Variants in TRIP11 observed in about 807,000 individuals in gnomAD.
TRIP11 encodes the protein thyroid hormone receptor interactor 11.
TRIP11 carries 148 observed loss-of-function variants against 223.1 expected under a neutral mutation model. The observed-to-expected ratio is 0.66, with a 90% CI of 0.58 to 0.76. The LOEUF (loss-of-function observed/expected upper bound fraction) is 0.76, where lower values mean the gene tolerates loss of function less well. TRIP11 is among the 30% of genes least tolerant of loss of function. The pLI, the probability that TRIP11 is intolerant of heterozygous loss-of-function variation, is 0.00. For synonymous variants in TRIP11, 762 were observed against 772.6 expected, an observed-to-expected ratio of 0.99 and a Z score of 0.23; for missense variants, 2,043 against 2,222.0, an observed-to-expected ratio of 0.92 and a Z score of 1.62.
chr14:92,023,255 C>T (rs2057137066), intron 3 of TRIP11, among the ~76,000 whole-genome samples: 1 of 152,146 alleles, frequency 6.6e-6, no homozygotes. Context: ...ATGACCAATA[C>T]AGGTTGAGTA....
intron 20 of TRIP11, among the ~76,000 whole-genome samples, chr14:91,970,434 A>T (rs991622515): frequency 1.9e-5 from 2 of 106,152 alleles, no homozygotes; most frequent in East Asian, 2.0e-4. Context: ...AATTAAAATT[A>T]AAAAAAAAAA....
At chr14:91,976,241 G>T in intron 16 of TRIP11, 52 bp from the exon 17 acceptor site, 1 of 1,436,484 alleles carries the variant, frequency 7.0e-7, no homozygotes. Flanking sequence ...AAAATAGTCT[G>T]GATGACTATA....
chr14:92,024,212 T>C (rs1006653257), intron 3 of TRIP11, among the ~76,000 whole-genome samples: 2 of 152,078 alleles, frequency 1.3e-5, no homozygotes, highest in African/African-American at 4.8e-5. Context: ...ACCCCATCTC[T>C]AATAAAAATT....
chr14:92,022,784 C>T (rs1398032274), intron 3 of TRIP11, among the ~76,000 whole-genome samples: 1 of 152,130 alleles, frequency 6.6e-6, no homozygotes, highest in Admixed American at 6.6e-5. Flanking sequence ...AGCAAGTAGA[C>T]AAAAACCAAA....
chr14:92,036,956 C>T, intron 1 of TRIP11, among the ~76,000 whole-genome samples: 1 of 152,152 alleles, frequency 6.6e-6, no homozygotes, highest in East Asian at 1.9e-4. Context: ...TCCTCAACTC[C>T]TGGCTTTAAG....
intron 7 of TRIP11, among the ~76,000 whole-genome samples, chr14:92,012,232 G>A (rs1021671853): frequency 6.6e-6 from 1 of 152,040 alleles, no homozygotes; most frequent in Admixed American, 6.5e-5. Context: ...ATTATCTAAC[G>A]TGATTTAGAT....
At chr14:91,999,562 G>A (rs2140110622) in intron 12 of TRIP11, 129 bp from the exon 13 acceptor site, 1 of 1,005,688 alleles carries the variant, frequency 9.9e-7, no homozygotes, top group Non-Finnish European at 1.5e-6. Context: ...ACTGCAAAAT[G>A]TATTTATGCT....
chr14:91,988,034 G>A (rs1465560878), intron 16 of TRIP11, among the ~76,000 whole-genome samples: 3 of 152,198 alleles, frequency 2.0e-5, no homozygotes, highest in African/African-American at 7.2e-5. Context: ...ATGGTCAACA[G>A]GGTGACAGCC....
At chr14:92,014,138 T>C (rs2057007237) in intron 7 of TRIP11, 77 bp downstream of exon 7, 4 of 1,580,608 alleles carry the variant, frequency 2.5e-6, no homozygotes, top group Non-Finnish European at 3.5e-6. Context: ...AGTATTCAGT[T>C]AGTGAAGCAT....
At chr14:92,007,555 A>C in intron 10 of TRIP11, 85 bp downstream of exon 10, 2 of 1,452,320 alleles carry the variant, frequency 1.4e-6, no homozygotes, top group Non-Finnish European at 1.9e-6. Context: ...TATGAACTAA[A>C]ATATTAATTA....
chr14:91,986,732 C>A lies in TRIP11; in HGVS notation c.5260+1552G>T, dbSNP rs755021877. Among the ~76,000 whole-genome samples the A allele has an allele frequency of 3.9e-5, 6 of 152,200 alleles. No individual in the cohort carries two copies. The South Asian group carries it at 1.0e-3, about 26-fold the overall frequency. On this transcript the variant is annotated intron_variant, in intron 16 of 20. Transcript: ENST00000267622. Reference sequence around the variant, plus strand: ...TAGTCTAGCCCAACCCGAAGATTATCAATTCCCAGTGTGTCTCCTCTCAGT... The same window carrying A: ...TAGTCTAGCCCAACCCGAAGATTATAAATTCCCAGTGTGTCTCCTCTCAGT...
At position 92,033,234 on chromosome 14, in the gene TRIP11, C is replaced by T. The variant is rs2140149106; in HGVS notation, c.159G>A (p.Arg53=). ...EEVEAELPDS[R]TKEIEAIHAI... ...CATGAATGGCTTCAATTTCCTTTGTCCTAGAATCAGGTAATTCTGCTACAA... is the reference window on the plus strand; with the variant it reads ...CATGAATGGCTTCAATTTCCTTTGTTCTAGAATCAGGTAATTCTGCTACAA... The change falls in exon 2 of 21, where the codon AGG becomes AGA. Residue 53 remains arginine, a synonymous_variant. Transcript: ENST00000267622. 2 of 1,612,704 alleles carry T rather than the reference C, an allele frequency of 1.2e-6. No individual in the cohort carries two copies. The highest frequency in any genetic ancestry group is 1.3e-5 in the African/African-American group (1 of 74,966).
In TRIP11 at chr14:92,017,743, T is replaced by C. The variant is rs1221858200; in HGVS notation, c.596A>G (p.Lys199Arg). ...GHWRHIAQTS[K>R]AQGTDNSDQS... ...ATCAGAGTTATCTGTTCCTTGTGCT[T>C]TGGAAGTCTAGATCAGAAAAAGAGA... is the stretch of plus-strand genomic sequence containing the variant. The change falls in exon 5 of 21, where the codon AAA (lysine) becomes AGA (arginine). Residue 199 changes from lysine (K) to arginine (R), a missense_variant. Transcript: ENST00000267622. The C allele has an allele frequency of 5.6e-6, 9 of 1,612,498 alleles. No homozygotes were observed. In the African/African-American group the frequency reaches 8.0e-5, roughly 14 times the overall value.
rs761637767 is a variant in TRIP11, at chr14:92,037,019, A to G, written c.139+2528T>C. Among the ~76,000 whole-genome samples the G allele has an allele frequency of 1.3e-5, 2 of 152,166 alleles. No homozygotes were observed. The highest frequency in any genetic ancestry group is 6.6e-5 in the Admixed American group (1 of 15,264). On this transcript the variant is annotated intron_variant, in intron 1 of 20. Transcript: ENST00000267622. This position sits in a 1 kb window ranked among gnomAD's most constrained non-coding sequence, Gnocchi z 4.2. The stretch of plus-strand genomic sequence containing the variant: ...TGCTGAGATTACAGGTATGAACCAC[A>G]CCTGGCCAGACCCCTATTTTTAAAA...
At position 92,025,424 on chromosome 14, in the gene TRIP11, G is replaced by GA. The variant is rs751744972; in HGVS notation, c.202-5dup. 354 of 1,582,890 alleles carry GA rather than the reference G, an allele frequency of 2.2e-4. No homozygotes were observed. Among genetic ancestry groups the GA allele is most frequent in the Non-Finnish European group, 2.5e-4 (294 of 1,160,616 alleles). Reference sequence around the variant, plus strand: ...AAAGTTTCTTAAGCCTTTCATTCTAGAAAAAAAAAGTATTTTCAACAAAAA... The same window carrying GA: ...AAAGTTTCTTAAGCCTTTCATTCTAGAAAAAAAAAAGTATTTTCAACAAAAA... On this transcript the variant is annotated splice_polypyrimidine_tract_variant and splice_region_variant and intron_variant, in intron 2 of 20. Coordinates refer to ENST00000267622, the MANE Select transcript of TRIP11 (RefSeq NM_004239.4).
intron 1 of TRIP11, among the ~76,000 whole-genome samples, chr14:92,034,895 A>G (rs970192966): frequency 2.0e-5 from 3 of 152,140 alleles, no homozygotes; most frequent in Admixed American, 1.3e-4. Context: ...CAGCCTCCCA[A>G]AGTGCTGGGA....
intron 5 of TRIP11, among the ~76,000 whole-genome samples, chr14:92,016,646 C>A (rs1380379631): frequency 6.6e-6 from 1 of 152,084 alleles, no homozygotes; most frequent in East Asian, 1.9e-4. Context: ...AAAAAAAGAT[C>A]CTAATCTATA....
At chr14:92,030,277 T>C (rs1310793807) in intron 2 of TRIP11, among the ~76,000 whole-genome samples, 3 of 152,078 alleles carry the variant, frequency 2.0e-5, no homozygotes, top group Non-Finnish European at 4.4e-5. Flanking sequence ...AATATGGCTT[T>C]CAGATCAATT....
chr14:92,022,204 G>A (rs538464406), intron 3 of TRIP11, among the ~76,000 whole-genome samples: 3 of 152,272 alleles, frequency 2.0e-5, no homozygotes, highest in Non-Finnish European at 2.9e-5. Flanking sequence ...AGCTGTGTCC[G>A]TCTATGCACT....
Sources: allele counts gnomAD v4.1 joint callset (sites outside exome capture counted in the v4.1 genomes callset), GRCh38; gene constraint gnomAD v4.1.1; non-coding constraint Gnocchi (gnomAD v3.1); transcripts MANE v1.5; gene names NCBI Gene and HGNC (gene_info 2026-07-23, HGNC 2026-07-21).